CTNNA3: variants seen among roughly 807,000 people sequenced by gnomAD.
CTNNA3 encodes catenin alpha-3.
CTNNA3 carries 76 observed loss-of-function variants against 95.7 expected under a neutral mutation model. That is an observed-to-expected ratio of 0.79 (90% CI 0.66 to 0.96). The LOEUF is 0.96. CTNNA3 is among the 40% of genes least tolerant of loss of function. CTNNA3 has a pLI of 0.00. For missense variants in CTNNA3, 1,191 were observed against 1,089.8 expected, an observed-to-expected ratio of 1.09 and a Z score of -1.31; for synonymous variants, 431 against 374.4, an observed-to-expected ratio of 1.15 and a Z score of -1.74.
rs560233050 is a variant in CTNNA3 at position 67,590,347 on chromosome 10, A to C, written c.292+16510T>G. ...TCATTTCAGAGAAAACATCTCATCA[A>C]GTACCTATCTTAAAAAAGTCTATTG... On this transcript the variant is annotated intron_variant, in intron 3 of 17. Transcript: ENST00000433211. 6.2e-4 allele frequency among the ~76,000 whole-genome samples: 95 copies of C among 152,228 alleles called. 1 individual carries two copies. The highest frequency in any genetic ancestry group is 2.2e-3 in the African/African-American group (92 of 41,570).
At chr10:65,925,246 A>G (rs2077150179) in intron 17 of CTNNA3, among the ~76,000 whole-genome samples, 1 of 151,810 alleles carries the variant, frequency 6.6e-6, no homozygotes, top group Non-Finnish European at 1.5e-5. Flanking sequence ...TGTTCTGCAG[A>G]TTACTTCACT....
At chr10:67,239,356 T>C (rs1273701395) in intron 5 of CTNNA3, among the ~76,000 whole-genome samples, 1 of 98,788 alleles carries the variant, frequency 1.0e-5, no homozygotes, top group East Asian at 2.8e-4. Context: ...AAAAGACAGC[T>C]ACACGTGATA....
At chr10:67,286,520 C>G (rs1839609648) in intron 5 of CTNNA3, among the ~76,000 whole-genome samples, 1 of 152,224 alleles carries the variant, frequency 6.6e-6, no homozygotes, top group African/African-American at 2.4e-5. Context: ...ATGTAAAGCA[C>G]TTAGCTAAAT....
At chr10:66,212,982 C>T (rs1479382322) in intron 13 of CTNNA3, among the ~76,000 whole-genome samples, 4 of 152,108 alleles carry the variant, frequency 2.6e-5, no homozygotes, top group Admixed American at 6.5e-5. Context: ...TGCCACTGCA[C>T]TAGAGCCTAG....
intron 9 of CTNNA3, among the ~76,000 whole-genome samples, chr10:66,629,426 T>C (rs12764931): frequency 0.77 from 116,785 of 151,978 alleles, 46,175 homozygotes; most frequent in African/African-American, 0.94. Context: ...AAAGTGATTG[T>C]GGTTTTTGCA....
intron 5 of CTNNA3, among the ~76,000 whole-genome samples, chr10:67,432,565 TG>T (rs1846145421): frequency 6.6e-6 from 1 of 152,044 alleles, no homozygotes; most frequent in African/African-American, 2.4e-5. Flanking sequence ...TCTTTGCTTC[TG>T]TCTTCACATC....
At position 66,294,299 on chromosome 10, in the gene CTNNA3, A is replaced by G. The variant is rs189057133; in HGVS notation, c.1733-13678T>C. Among the ~76,000 whole-genome samples the G allele has an allele frequency of 1.9e-3, 293 of 152,256 alleles. 3 individuals carry two copies. Among genetic ancestry groups the G allele is most frequent in the African/African-American group, 6.9e-3 (286 of 41,534 alleles). On this transcript the variant is annotated intron_variant, in intron 12 of 17. Coordinates refer to ENST00000433211, the MANE Select transcript of CTNNA3 (RefSeq NM_013266.4). ...AACAGTGGTTTTCAACTCTGTTCCA[A>G]TGAGAGTGTCTCAGGAAGCACTGTG...
At chr10:67,084,575 T>A (rs187010410) in intron 7 of CTNNA3, among the ~76,000 whole-genome samples, 1 of 152,064 alleles carries the variant, frequency 6.6e-6, no homozygotes, top group African/African-American at 2.4e-5. Context: ...GATCCTACAT[T>A]AGATTTCCTT....
intron 5 of CTNNA3, among the ~76,000 whole-genome samples, chr10:67,367,548 A>G (rs1843261300): frequency 6.6e-6 from 1 of 152,226 alleles, no homozygotes; most frequent in Admixed American, 6.5e-5. Flanking sequence ...CCATGCGAAC[A>G]GCAATCCCAA....
intron 5 of CTNNA3, among the ~76,000 whole-genome samples, chr10:67,301,962 C>T (rs915591412): frequency 3.2e-5 from 4 of 123,286 alleles, no homozygotes; most frequent in Admixed American, 8.1e-5. Context: ...GAGCGAGACT[C>T]GTCAAGAAAG....
chr10:66,936,633 G>A (rs1034633783), intron 7 of CTNNA3, among the ~76,000 whole-genome samples: 7 of 152,116 alleles, frequency 4.6e-5, no homozygotes, highest in African/African-American at 1.4e-4. Context: ...TCATCGGACA[G>A]ATGGACTAGA....
chr10:67,507,315 G>A (rs1172262217), intron 5 of CTNNA3, among the ~76,000 whole-genome samples: 3 of 152,096 alleles, frequency 2.0e-5, no homozygotes, highest in Non-Finnish European at 2.9e-5. Context: ...GGATCACGAC[G>A]TCAGCAGTTC....
At chr10:66,013,908 T>C (rs551697372) in intron 15 of CTNNA3, among the ~76,000 whole-genome samples, 57 of 152,282 alleles carry the variant, frequency 3.7e-4, no homozygotes, top group African/African-American at 1.3e-3. Context: ...CTGTGGATAA[T>C]TGATTCAAAG....
chr10:67,580,890 A>G (rs1222988507), intron 3 of CTNNA3, among the ~76,000 whole-genome samples: 1 of 152,006 alleles, frequency 6.6e-6, no homozygotes, highest in Non-Finnish European at 1.5e-5. Flanking sequence ...AATGCTTGTG[A>G]TTTTTGCACA....
At chr10:67,261,397 T>C (rs1866599961) in intron 5 of CTNNA3, among the ~76,000 whole-genome samples, 1 of 152,134 alleles carries the variant, frequency 6.6e-6, no homozygotes, top group Admixed American at 6.5e-5. Flanking sequence ...AATATATGAA[T>C]GGTCTTCAAA....
intron 13 of CTNNA3, among the ~76,000 whole-genome samples, chr10:66,279,820 G>A (rs1251842610): frequency 1.3e-5 from 2 of 152,020 alleles, no homozygotes; most frequent in Non-Finnish European, 2.9e-5. Flanking sequence ...CAAAGAATGT[G>A]CATTTTTTGG....
intron 12 of CTNNA3, among the ~76,000 whole-genome samples, chr10:66,336,700 T>C (rs2092400561): frequency 6.6e-6 from 1 of 152,064 alleles, no homozygotes; most frequent in African/African-American, 2.4e-5. Context: ...CCAATAATTT[T>C]TTTCAAAATT....
At chr10:66,114,018 T>G (rs2082219018) in intron 13 of CTNNA3, among the ~76,000 whole-genome samples, 1 of 152,124 alleles carries the variant, frequency 6.6e-6, no homozygotes, top group Non-Finnish European at 1.5e-5. Flanking sequence ...GTAGCAACAG[T>G]AGCAGCAGAT....
chr10:67,086,216 T>G (rs10822971), intron 7 of CTNNA3, among the ~76,000 whole-genome samples: 83,409 of 151,788 alleles, frequency 0.55, 24,117 homozygotes, highest in African/African-American at 0.74. Flanking sequence ...TTCATAGCAA[T>G]ACCTCATCCC....
Sources: gnomAD v4.1 joint callset for allele counts (sites outside exome capture counted in the v4.1 genomes callset) on GRCh38, gnomAD v4.1.1 for gene constraint, MANE v1.5 for transcripts, NCBI Gene and HGNC (gene_info 2026-07-23, HGNC 2026-07-21) for gene names.